Variants in ADAMTSL1 observed in about 807,000 individuals in gnomAD.
ADAMTSL1 encodes the protein ADAMTS-like protein 1.
In ADAMTSL1, 126 loss-of-function variants were observed where a neutral mutation model predicts 201.8. That is an observed-to-expected ratio of 0.62 (90% CI 0.54 to 0.72). The LOEUF is 0.72. ADAMTSL1 is among the 30% of genes least tolerant of loss of function. The pLI, the probability that ADAMTSL1 is intolerant of heterozygous loss-of-function variation, is 0.00. For synonymous variants in ADAMTSL1, 1,121 were observed against 903.4 expected (o/e 1.24, Z -4.32); for missense variants, 2,679 against 2,277.8 (o/e 1.18, Z -3.59).
intron 10 of ADAMTSL1, among the ~76,000 whole-genome samples, chr9:18,676,532 A>G (rs1830139338): frequency 6.6e-6 from 1 of 152,138 alleles, no homozygotes; most frequent in Admixed American, 6.6e-5. Flanking sequence ...AAAGTAACTC[A>G]GGAACTTTTA....
chr9:18,563,006 G>A (rs1043166682), intron 3 of ADAMTSL1, among the ~76,000 whole-genome samples: 3 of 152,140 alleles, frequency 2.0e-5, no homozygotes, highest in Admixed American at 1.3e-4. Context: ...ACCTTCTGAA[G>A]CCTACTTCTG....
chr9:17,907,340 T>C (rs1588394179), intron 1 of ADAMTSL1, among the ~76,000 whole-genome samples: 1 of 152,100 alleles, frequency 6.6e-6, no homozygotes, highest in Non-Finnish European at 1.5e-5. Flanking sequence ...GACACTCGGG[T>C]GCTGGGACAC....
intron 23 of ADAMTSL1, among the ~76,000 whole-genome samples, chr9:18,837,972 C>A (rs1825422771): frequency 6.6e-6 from 1 of 152,094 alleles, no homozygotes; most frequent in African/African-American, 2.4e-5. Context: ...CTGGCTTAGG[C>A]CTCCATGAGG....
chr9:18,618,653 G>T (rs1825847896), intron 4 of ADAMTSL1, among the ~76,000 whole-genome samples: 1 of 151,234 alleles, frequency 6.6e-6, no homozygotes, highest in South Asian at 2.1e-4. Context: ...TTTCTGCTCT[G>T]CCATTCTGAG....
chr9:18,016,066 C>G (rs968903616), intron 1 of ADAMTSL1, among the ~76,000 whole-genome samples: 1 of 152,030 alleles, frequency 6.6e-6, no homozygotes, highest in African/African-American at 2.4e-5. Flanking sequence ...TTTATACAAT[C>G]TTAATAACTT....
At chr9:18,336,720 A>G (rs539049388) in intron 2 of ADAMTSL1, among the ~76,000 whole-genome samples, 6 of 152,246 alleles carry the variant, frequency 3.9e-5, no homozygotes, top group East Asian at 1.9e-4. Context: ...TAGCATTACT[A>G]GTATTAGTGG....
chr9:18,141,386 T>A (rs903068144), intron 1 of ADAMTSL1, among the ~76,000 whole-genome samples: 3 of 152,132 alleles, frequency 2.0e-5, no homozygotes, highest in Non-Finnish European at 4.4e-5. Context: ...ACCAGCAACA[T>A]GCTGTGCTGT....
chr9:18,411,326 A>G (rs1332425698), intron 2 of ADAMTSL1, among the ~76,000 whole-genome samples: 1 of 151,842 alleles, frequency 6.6e-6, no homozygotes, highest in African/African-American at 2.4e-5. Flanking sequence ...CCTCCCAAGT[A>G]AGAGGGGTGG....
intron 13 of ADAMTSL1, among the ~76,000 whole-genome samples, chr9:18,685,648 A>G (rs1830784543): frequency 1.3e-5 from 2 of 152,188 alleles, no homozygotes; most frequent in African/African-American, 4.8e-5. Context: ...TTAATAGTGG[A>G]GCATGTAGGA....
intron 2 of ADAMTSL1, among the ~76,000 whole-genome samples, chr9:18,229,856 C>T (rs571062445): frequency 4.6e-5 from 7 of 152,004 alleles, no homozygotes; most frequent in South Asian, 4.2e-4. Flanking sequence ...CCAACATGCC[C>T]GGCTAATTTT....
intron 8 of ADAMTSL1, among the ~76,000 whole-genome samples, chr9:18,659,700 G>A (rs905715689): frequency 3.9e-5 from 6 of 152,198 alleles, no homozygotes; most frequent in African/African-American, 1.2e-4. Flanking sequence ...CCAGGAGGCA[G>A]AGGTTGCAGT....
rs1400045017 is a variant in ADAMTSL1 at position 18,811,024 on chromosome 9, AAAAAAAAAAAAC to A, written c.3806-6081_3806-6070del. Reference sequence around the variant, plus strand: ...CACCAATGAGTACCAAAAAAAAAAAAAAAAAAAAAAACAAACACCAGCTAGAAACCTTCTCTC... The same window carrying A: ...CACCAATGAGTACCAAAAAAAAAAAAAAACACCAGCTAGAAACCTTCTCTC... On this transcript the variant is annotated intron_variant, in intron 20 of 28. Transcript: ENST00000380548. 5.3e-5 allele frequency among the ~76,000 whole-genome samples: 8 copies of A among 149,758 alleles called. 1 individual carries two copies. The highest frequency in any genetic ancestry group is 2.6e-4 in the Admixed American group (4 of 15,102).
rs1382338570 is a variant in ADAMTSL1, at chr9:18,776,932, G to A, written c.2703G>A (p.Ala901=). ...CGGCGGTGGTGCTGCGCTGCCCGGCGCGCAGGGTCCGCAAGCCCCTCATCA... is the reference window on the plus strand; with the variant it reads ...CGGCGGTGGTGCTGCGCTGCCCGGCACGCAGGGTCCGCAAGCCCCTCATCA... The part of the protein sequence containing the change: ...PKTAVVLRCP[A]RRVRKPLITW... The change falls in exon 19 of 29, where the codon GCG becomes GCA. Residue 901 remains alanine (A), a synonymous_variant. Transcript: ENST00000380548. 6.2e-7 allele frequency: 1 copy of A among 1,603,234 alleles called. No individual in the cohort carries two copies. Among genetic ancestry groups the A allele is most frequent in the Non-Finnish European group, 8.5e-7 (1 of 1,175,136 alleles).
rs143070370 is a variant in ADAMTSL1 at position 18,895,566 on chromosome 9, C to T, written c.4851+2970C>T. On this transcript the variant is annotated intron_variant, in intron 26 of 28. Transcript: ENST00000380548. ...GGAGACTGACCCTCTATGCAACTGA[C>T]GCTCTAAAGTCCCAAGGACAGCCTT... 2.9e-3 allele frequency among the ~76,000 whole-genome samples: 446 copies of T among 152,254 alleles called. 5 individuals carry two copies. Among genetic ancestry groups the T allele is most frequent in the African/African-American group, 9.9e-3 (412 of 41,534 alleles).
intron 20 of ADAMTSL1, among the ~76,000 whole-genome samples, 182 bp from the exon 21 acceptor site, chr9:18,816,927 C>A (rs190436459): frequency 6.6e-6 from 1 of 151,834 alleles, no homozygotes. Context: ...GACAACACTG[C>A]GGTAGGTAGG....
chr9:18,810,792 G>C (rs1823451378), intron 20 of ADAMTSL1, among the ~76,000 whole-genome samples: 1 of 151,982 alleles, frequency 6.6e-6, no homozygotes, highest in South Asian at 2.1e-4. Flanking sequence ...TGGAAAGATG[G>C]CATAGTTACA....
At chr9:17,945,658 C>T (rs1274661705) in intron 1 of ADAMTSL1, among the ~76,000 whole-genome samples, 4 of 152,174 alleles carry the variant, frequency 2.6e-5, no homozygotes, top group Non-Finnish European at 5.9e-5. Context: ...GAATTCACAT[C>T]CTTTGTAGGG....
intron 1 of ADAMTSL1, among the ~76,000 whole-genome samples, chr9:18,017,459 T>A (rs1328916545): frequency 8.6e-5 from 13 of 151,974 alleles, no homozygotes; most frequent in Admixed American, 8.5e-4. Flanking sequence ...GGAAAAATTA[T>A]GTTGACACCT....
At chr9:18,818,865 C>A (rs1010885407) in intron 21 of ADAMTSL1, among the ~76,000 whole-genome samples, 1 of 152,138 alleles carries the variant, frequency 6.6e-6, no homozygotes, top group African/African-American at 2.4e-5. Context: ...TGTAAAGCTT[C>A]TCATGGCCTT....
Sources: allele counts gnomAD v4.1 joint callset (sites outside exome capture counted in the v4.1 genomes callset), GRCh38; gene constraint gnomAD v4.1.1; transcripts MANE v1.5; gene names NCBI Gene and HGNC (gene_info 2026-07-23, HGNC 2026-07-21).